PDE11A: variants seen among roughly 807,000 people sequenced by gnomAD.
PDE11A encodes dual 3',5'-cyclic-AMP and -GMP phosphodiesterase 11A.
A neutral mutation model predicts 100.5 loss-of-function variants in PDE11A; 100 were observed. That is an observed-to-expected ratio of 1.00 (90% CI 0.85 to 1.18). The LOEUF is 1.18. PDE11A is among the 50% of genes most tolerant of loss of function. The pLI, the probability that PDE11A is intolerant of heterozygous loss-of-function variation, is 0.00. For missense variants in PDE11A, 1,141 were observed against 1,152.6 expected (o/e 0.99, Z 0.15); for synonymous variants, 381 against 420.8 (o/e 0.91, Z 1.16).
chr2:177,822,517 T>G (rs1252611919), intron 6 of PDE11A, among the ~76,000 whole-genome samples: 1 of 152,082 alleles, frequency 6.6e-6, no homozygotes, highest in East Asian at 1.9e-4. Flanking sequence ...GCTCAGTATC[T>G]GGTAGTGCAA....
At chr2:177,831,614 C>A (rs2083309714) in intron 6 of PDE11A, among the ~76,000 whole-genome samples, 1 of 152,152 alleles carries the variant, frequency 6.6e-6, no homozygotes, top group Non-Finnish European at 1.5e-5. Context: ...GGGATCAGCA[C>A]CAGCAGTTAT....
chr2:178,010,278 C>A (rs2105824522), intron 2 of PDE11A, among the ~76,000 whole-genome samples: 1 of 152,302 alleles, frequency 6.6e-6, no homozygotes, highest in East Asian at 1.9e-4. Flanking sequence ...CTTTTTGCTT[C>A]CTTGTTTTCT....
rs781486307 is a variant in PDE11A at position 177,697,364 on chromosome 2, T to G, written c.2313A>C (p.Ser771=). ...ACAGCGTGAGGTCTGTTGCCAATAT[T>G]GACTGCTTCAAAAGCTGCATAAGGT... ...YSDLMQLLKQ[S]ILATDLTLYF... The change falls in exon 15 of 20, where the codon TCA becomes TCC. Residue 771 remains serine, a synonymous_variant. Transcript: ENST00000286063. 10 of 1,597,398 alleles carry G rather than the reference T, an allele frequency of 6.3e-6. No homozygotes were observed. The East Asian group carries it at 2.2e-4, about 36-fold the overall frequency.
intron 9 of PDE11A, among the ~76,000 whole-genome samples, chr2:177,800,493 C>T (rs1191412826): frequency 6.6e-6 from 1 of 152,040 alleles, no homozygotes; most frequent in African/African-American, 2.4e-5. Flanking sequence ...ATTTTAAAGC[C>T]TGCCCTTTTA....
chr2:177,845,251 G>A (rs1420044230), intron 5 of PDE11A, among the ~76,000 whole-genome samples: 26 of 148,880 alleles, frequency 1.7e-4, no homozygotes, highest in South Asian at 1.3e-3. Context: ...GCTGCCGGGC[G>A]GAGGGGCTCC....
chr2:178,000,479 T>C (rs2086130930), intron 2 of PDE11A, among the ~76,000 whole-genome samples: 1 of 152,226 alleles, frequency 6.6e-6, no homozygotes, highest in Non-Finnish European at 1.5e-5. Context: ...CAAATTCTGA[T>C]TTGAGGCACA....
At chr2:177,879,101 T>C (rs558398967) in intron 4 of PDE11A, among the ~76,000 whole-genome samples, 1 of 152,306 alleles carries the variant, frequency 6.6e-6, no homozygotes, top group Admixed American at 6.5e-5. Context: ...TTACTATTGA[T>C]TAGAATAATT....
chr2:177,819,002 C>A (rs575170537), intron 7 of PDE11A, among the ~76,000 whole-genome samples: 1 of 151,968 alleles, frequency 6.6e-6, no homozygotes, highest in Non-Finnish European at 1.5e-5. Context: ...TGTAACCAGG[C>A]AAACTACGGT....
intron 9 of PDE11A, 34 bp from the exon 10 acceptor site, chr2:177,769,407 C>G: frequency 1.7e-6 from 2 of 1,198,660 alleles, no homozygotes; most frequent in African/African-American, 3.0e-5. Flanking sequence ...ATTTTAATAA[C>G]TAGACATGAC....
intron 4 of PDE11A, among the ~76,000 whole-genome samples, chr2:177,882,799 G>C (rs922864230): frequency 6.6e-6 from 1 of 151,938 alleles, no homozygotes; most frequent in Admixed American, 6.6e-5. Flanking sequence ...AGTGCTAGTT[G>C]GTCTGGCTTC....
intron 4 of PDE11A, among the ~76,000 whole-genome samples, chr2:177,879,524 G>T (rs2105701416): frequency 6.6e-6 from 1 of 152,346 alleles, no homozygotes; most frequent in Non-Finnish European, 1.5e-5. Flanking sequence ...AATCTCTGCA[G>T]TTATGGAGCT....
At chr2:178,091,008 C>G (rs1040558188) in intron 2 of PDE11A, among the ~76,000 whole-genome samples, 6 of 152,164 alleles carry the variant, frequency 3.9e-5, no homozygotes, top group African/African-American at 1.4e-4. Context: ...TCAATATGTT[C>G]CCCTCACTCT....
intron 1 of PDE11A, among the ~76,000 whole-genome samples, chr2:178,027,806 A>C (rs2086496366): frequency 6.6e-6 from 1 of 152,222 alleles, no homozygotes; most frequent in African/African-American, 2.4e-5. Flanking sequence ...TGGATTTTTC[A>C]ACTCTCTCAG....
rs187817280 is a variant in PDE11A at position 177,719,831 on chromosome 2, G to T, written c.2043+7827C>A. 7.7e-4 allele frequency among the ~76,000 whole-genome samples: 117 copies of T among 152,052 alleles called. 2 individuals are homozygous for T. Among genetic ancestry groups the T allele is most frequent in the African/African-American group, 2.8e-3 (117 of 41,468 alleles). On this transcript the variant is annotated intron_variant, in intron 12 of 19. Coordinates refer to ENST00000286063, the MANE Select transcript of PDE11A (RefSeq NM_016953.4). ...TCAGCCAAAAAAGTGCTCTTTGAAG[G>T]TTTCATTGTAAATGCCACAAACAAG... is the stretch of plus-strand genomic sequence containing the variant.
chr2:177,709,087 A>G (rs1179665393), intron 13 of PDE11A, among the ~76,000 whole-genome samples: 2 of 152,100 alleles, frequency 1.3e-5, no homozygotes, highest in African/African-American at 4.8e-5. Context: ...TGTGTCTGGA[A>G]CATAGATGCA....
intron 2 of PDE11A, among the ~76,000 whole-genome samples, chr2:177,911,982 A>C (rs2105743805): frequency 6.6e-6 from 1 of 152,172 alleles, no homozygotes; most frequent in East Asian, 1.9e-4. Flanking sequence ...AGGGTGGGGG[A>C]CTTCATTCAC....
intron 10 of PDE11A, among the ~76,000 whole-genome samples, chr2:177,767,572 G>T (rs552417280): frequency 3.9e-5 from 6 of 152,124 alleles, no homozygotes; most frequent in Admixed American, 1.3e-4. Context: ...CTAAATAATT[G>T]AACTTTATTG....
chr2:178,099,134 A>T (rs189596986), intron 2 of PDE11A, among the ~76,000 whole-genome samples: 1 of 152,348 alleles, frequency 6.6e-6, no homozygotes, highest in Non-Finnish European at 1.5e-5. Flanking sequence ...TGTTTTTAAA[A>T]ATACAGTACG....
intron 19 of PDE11A, among the ~76,000 whole-genome samples, chr2:177,643,244 A>T (rs1177714363): frequency 6.6e-6 from 1 of 152,196 alleles, no homozygotes; most frequent in African/African-American, 2.4e-5. Context: ...AGATAGGAAA[A>T]TGTGGGAAAG....
Sources: gnomAD v4.1 joint callset for allele counts (sites outside exome capture counted in the v4.1 genomes callset) on GRCh38, gnomAD v4.1.1 for gene constraint, MANE v1.5 for transcripts, NCBI Gene and HGNC (gene_info 2026-07-23, HGNC 2026-07-21) for gene names.